Variants in DOCK3 observed in about 807,000 individuals in gnomAD.
DOCK3 encodes dedicator of cytokinesis 3, also known as dedicator of cytokinesis protein 3.
Under a neutral mutation model 265.6 loss-of-function variants are expected in DOCK3, and 60 were observed. That is an observed-to-expected ratio of 0.23 (90% CI 0.18 to 0.28). DOCK3 has a LOEUF of 0.28. Among genes scored for constraint, DOCK3 ranks in the 10% least tolerant of loss-of-function variants. The pLI is 1.00. For synonymous variants in DOCK3, 881 were observed against 938.0 expected, an observed-to-expected ratio of 0.94 and a Z score of 1.11; for missense variants, 1,981 against 2,594.3, an observed-to-expected ratio of 0.76 and a Z score of 5.14.
At chr3:51,056,618 A>G (rs2081211568) in intron 5 of DOCK3, among the ~76,000 whole-genome samples, 1 of 152,192 alleles carries the variant, frequency 6.6e-6, no homozygotes, top group Non-Finnish European at 1.5e-5. Flanking sequence ...TTTTCATTAT[A>G]TTGGGATGAG....
At chr3:51,275,323 T>A in intron 25 of DOCK3, 117 bp downstream of exon 25, 1 of 1,493,936 alleles carries the variant, frequency 6.7e-7, no homozygotes, top group Non-Finnish European at 9.1e-7. Context: ...GATGCTTTCA[T>A]CAGTGACAGG....
chr3:51,129,752 A>G (rs1448425410), intron 9 of DOCK3, among the ~76,000 whole-genome samples: 1 of 152,152 alleles, frequency 6.6e-6, no homozygotes, highest in East Asian at 1.9e-4. Flanking sequence ...GCTACGATTC[A>G]CCTAAGGGGG....
At chr3:51,196,032 C>T (rs1357008705) in intron 12 of DOCK3, among the ~76,000 whole-genome samples, 1 of 151,732 alleles carries the variant, frequency 6.6e-6, no homozygotes, top group African/African-American at 2.4e-5. Context: ...ACTTCCCAGG[C>T]TCAAGCAATC....
chr3:50,746,880 G>GC (rs1441278764), intron 1 of DOCK3, among the ~76,000 whole-genome samples: 1 of 151,700 alleles, frequency 6.6e-6, no homozygotes, highest in African/African-American at 2.4e-5. Flanking sequence ...CTCCTACCAG[G>GC]CCCCACCTTT....
chr3:50,825,825 C>T (rs185088913), intron 2 of DOCK3, among the ~76,000 whole-genome samples: 2 of 152,276 alleles, frequency 1.3e-5, no homozygotes, highest in South Asian at 2.1e-4. Flanking sequence ...ACCCTTACAA[C>T]CCCTTGTTAT....
intron 2 of DOCK3, among the ~76,000 whole-genome samples, chr3:50,782,093 CAT>C (rs1276914689): frequency 6.6e-6 from 1 of 152,062 alleles, no homozygotes; most frequent in African/African-American, 2.4e-5. Flanking sequence ...CATACACATG[CAT>C]ATGTCTTTAT....
chr3:50,695,138 A>G (rs894934257), intron 1 of DOCK3, among the ~76,000 whole-genome samples: 10 of 152,240 alleles, frequency 6.6e-5, no homozygotes, highest in African/African-American at 1.9e-4. Flanking sequence ...GGAGCCCCCA[A>G]TCACATGCAC....
At chr3:51,029,969 G>T (rs1002570427) in intron 5 of DOCK3, among the ~76,000 whole-genome samples, 1 of 152,074 alleles carries the variant, frequency 6.6e-6, no homozygotes, top group African/African-American at 2.4e-5. Context: ...CTGGGACACG[G>T]GGTCGGGGGG....
chr3:51,035,858 A>T (rs1034651822), intron 5 of DOCK3, among the ~76,000 whole-genome samples: 3 of 152,152 alleles, frequency 2.0e-5, no homozygotes, highest in Non-Finnish European at 4.4e-5. Context: ...ATAACTCAGA[A>T]ATCAGCCAAA....
chr3:50,834,024 A>G (rs1034234789), intron 2 of DOCK3, among the ~76,000 whole-genome samples: 2 of 152,188 alleles, frequency 1.3e-5, no homozygotes, highest in South Asian at 4.1e-4. Context: ...CATTTTAAGC[A>G]AAGTCAAAAA....
intron 9 of DOCK3, among the ~76,000 whole-genome samples, chr3:51,128,152 C>T (rs182528733): frequency 5.9e-5 from 9 of 152,216 alleles, no homozygotes; most frequent in East Asian, 3.9e-4. Context: ...ACCTCTAGGC[C>T]AGCAGAATAT....
intron 4 of DOCK3, among the ~76,000 whole-genome samples, chr3:50,925,505 T>TGA (rs1194143679): frequency 6.6e-6 from 1 of 151,850 alleles, no homozygotes; most frequent in East Asian, 1.9e-4. Flanking sequence ...ATCATGCCTG[T>TGA]GAATAGGCAC....
chr3:51,200,585 G>A (rs974882392), intron 12 of DOCK3, among the ~76,000 whole-genome samples: 2 of 151,916 alleles, frequency 1.3e-5, no homozygotes, highest in Non-Finnish European at 1.5e-5. Flanking sequence ...GGAACCAAGC[G>A]GGAAAACACT....
At chr3:50,987,872 A>C (rs2108598188) in intron 5 of DOCK3, among the ~76,000 whole-genome samples, 1 of 152,304 alleles carries the variant, frequency 6.6e-6, no homozygotes, top group East Asian at 1.9e-4. Flanking sequence ...TAGGGCCTTC[A>C]GTCTGACAGA....
At chr3:51,188,318 A>G (rs1031288421) in intron 12 of DOCK3, among the ~76,000 whole-genome samples, 5 of 152,220 alleles carry the variant, frequency 3.3e-5, no homozygotes, top group African/African-American at 1.2e-4. Context: ...AGTAGGTTTC[A>G]CTGAAGACAG....
chr3:50,741,910 A>G (rs970573969), intron 1 of DOCK3, among the ~76,000 whole-genome samples: 5 of 152,068 alleles, frequency 3.3e-5, no homozygotes, highest in African/African-American at 1.2e-4. Context: ...AAGTGTTCCT[A>G]TTTCTCCACA....
At chr3:50,975,663 A>T (rs2077418327) in intron 5 of DOCK3, among the ~76,000 whole-genome samples, 1 of 152,222 alleles carries the variant, frequency 6.6e-6, no homozygotes, top group Admixed American at 6.5e-5. Context: ...TCATGAAATG[A>T]GTTAGGGAGG....
intron 22 of DOCK3, among the ~76,000 whole-genome samples, chr3:51,248,950 C>A (rs539288677): frequency 6.9e-6 from 1 of 145,834 alleles, no homozygotes. Context: ...GGAGACCCTC[C>A]GCCCGGCAGC....
intron 49 of DOCK3, among the ~76,000 whole-genome samples, chr3:51,365,315 G>T (rs569854449): frequency 6.6e-6 from 1 of 152,328 alleles, no homozygotes; most frequent in African/African-American, 2.4e-5. Flanking sequence ...AGGAATGCTT[G>T]TGATTTTTGC....
Sources: allele counts gnomAD v4.1 joint callset (sites outside exome capture counted in the v4.1 genomes callset), GRCh38; gene constraint gnomAD v4.1.1; transcripts MANE v1.5; gene names NCBI Gene and HGNC (gene_info 2026-07-23, HGNC 2026-07-21).